INTS9: variants seen among roughly 807,000 people sequenced by gnomAD.
The protein encoded by INTS9 is integrator complex subunit 9.
INTS9 carries 55 observed loss-of-function variants against 79.7 expected under a neutral mutation model. The ratio of observed to expected loss-of-function variants is 0.69; its 90% CI spans 0.56 to 0.86. The LOEUF (loss-of-function observed/expected upper bound fraction) is 0.86, where lower values mean the gene tolerates loss of function less well. Ranked by LOEUF, INTS9 falls within the 40% of genes least tolerant of loss-of-function variation. The pLI, the probability that INTS9 is intolerant of heterozygous loss-of-function variation, is 0.00. For synonymous variants in INTS9, 319 were observed against 325.2 expected, an observed-to-expected ratio of 0.98 and a Z score of 0.20; for missense variants, 721 against 831.5, an observed-to-expected ratio of 0.87 and a Z score of 1.64.
In INTS9 at chr8:28,859,432, A is replaced by G. The variant is rs752563393; in HGVS notation, c.137+4T>C. The G allele has an allele frequency of 6.2e-7, 1 of 1,614,106 alleles. No individual in the cohort carries two copies. The highest frequency in any genetic ancestry group is 8.5e-7 in the Non-Finnish European group (1 of 1,179,958). On this transcript the variant is annotated splice_donor_region_variant and intron_variant, in intron 2 of 16. Coordinates refer to ENST00000521022, the MANE Select transcript of INTS9 (RefSeq NM_018250.4). ...ATTTTGTCTTTGGCTGCACCAGCAC[A>G]TACCTTTGAACAAGTGGCAAAGGAA...
chr8:28,839,783 A>C (rs543713345), intron 4 of INTS9, among the ~76,000 whole-genome samples: 1 of 152,000 alleles, frequency 6.6e-6, no homozygotes. Flanking sequence ...CTTATACAAA[A>C]ATTAATTCAA....
chr8:28,879,874 CCGAG>C (rs1809602219), intron 1 of INTS9, among the ~76,000 whole-genome samples: 1 of 152,102 alleles, frequency 6.6e-6, no homozygotes, highest in Non-Finnish European at 1.5e-5. Context: ...GGCAAATCTA[CCGAG>C]ACTCGTGGTT....
At position 28,800,640 on chromosome 8, in the gene INTS9, A is replaced by C. The variant is rs576449539; in HGVS notation, c.745-3985T>G. On this transcript the variant is annotated intron_variant, in intron 8 of 16. Transcript: ENST00000521022. ...AATTATAATGTCATGGCAGGTGAGG[A>C]GATGGAAGCAGCAGATCCACTTGAC... 8.5e-5 allele frequency among the ~76,000 whole-genome samples: 13 copies of C among 152,310 alleles called. No individual in the cohort carries two copies. In the South Asian group the frequency reaches 1.0e-3, roughly 12 times the overall value.
At chr8:28,808,497 G>A (rs752415073) in intron 8 of INTS9, among the ~76,000 whole-genome samples, 2 of 152,158 alleles carry the variant, frequency 1.3e-5, no homozygotes, top group South Asian at 2.1e-4. Context: ...TTTTTAAAAC[G>A]TGACAACTCT....
chr8:28,877,623 G>A (rs1010067677), intron 1 of INTS9, among the ~76,000 whole-genome samples: 2 of 152,156 alleles, frequency 1.3e-5, no homozygotes, highest in African/African-American at 4.8e-5. Flanking sequence ...AGTTGTAATT[G>A]CAAGAGACTG....
intron 8 of INTS9, among the ~76,000 whole-genome samples, chr8:28,797,805 A>G (rs1470919343): frequency 6.6e-6 from 1 of 152,200 alleles, no homozygotes; most frequent in Non-Finnish European, 1.5e-5. Context: ...CCAGCAACAC[A>G]GTTTACTAAG....
chr8:28,825,341 T>C (rs1249355311), intron 6 of INTS9, among the ~76,000 whole-genome samples: 1 of 152,200 alleles, frequency 6.6e-6, no homozygotes, highest in Non-Finnish European at 1.5e-5. Flanking sequence ...CATCTCTCCA[T>C]TCAGCTGAAT....
intron 11 of INTS9, among the ~76,000 whole-genome samples, chr8:28,786,141 G>A (rs577151849): frequency 1.3e-5 from 2 of 152,208 alleles, no homozygotes; most frequent in East Asian, 3.9e-4. Context: ...CTCACATTAT[G>A]TTTGTGCAGT....
chr8:28,888,820 G>C (rs780360353), intron 1 of INTS9, among the ~76,000 whole-genome samples: 1 of 152,128 alleles, frequency 6.6e-6, no homozygotes, highest in African/African-American at 2.4e-5. Flanking sequence ...ATATATGCCT[G>C]TAGCACAATG....
At chr8:28,775,718 T>G (rs974007241) in intron 14 of INTS9, 41 bp downstream of exon 14, 1 of 1,600,228 alleles carries the variant, frequency 6.2e-7, no homozygotes, top group African/African-American at 1.3e-5. Flanking sequence ...AGAGCCTCTG[T>G]GGAAAGCTCT....
At chr8:28,786,394 G>A (rs1158855250) in intron 11 of INTS9, among the ~76,000 whole-genome samples, 1 of 151,914 alleles carries the variant, frequency 6.6e-6, no homozygotes, top group East Asian at 1.9e-4. Flanking sequence ...AGCTTCAGGT[G>A]ATCCTCCCAC....
intron 6 of INTS9, among the ~76,000 whole-genome samples, chr8:28,822,926 T>A (rs1452347516): frequency 3.3e-5 from 5 of 151,504 alleles, no homozygotes; most frequent in African/African-American, 9.7e-5. Flanking sequence ...TGGCAGGGAG[T>A]TACTGGAGGA....
intron 14 of INTS9, 26 bp from the exon 15 acceptor site, chr8:28,771,106 C>T (rs191429673): frequency 1.3e-6 from 2 of 1,504,204 alleles, no homozygotes; most frequent in East Asian, 2.4e-5. Flanking sequence ...GCAGTTCAGG[C>T]TGGGGGCCTT....
chr8:28,876,166 A>G (rs1396096305), intron 1 of INTS9, among the ~76,000 whole-genome samples: 1 of 152,178 alleles, frequency 6.6e-6, no homozygotes, highest in East Asian at 1.9e-4. Context: ...AGTACAGAGA[A>G]ACTATTTCTG....
chr8:28,798,669 T>C (rs560916366), intron 8 of INTS9: 44 of 152,266 alleles, frequency 2.9e-4, no homozygotes, highest in African/African-American at 1.0e-3. Flanking sequence ...CGGCTAACTT[T>C]TGTATTTTTA....
At chr8:28,775,389 T>G (rs1802806115) in intron 14 of INTS9, among the ~76,000 whole-genome samples, 1 of 152,178 alleles carries the variant, frequency 6.6e-6, no homozygotes, top group African/African-American at 2.4e-5. Context: ...CAGGCTGGAG[T>G]GCAGTGGTGT....
chr8:28,781,320 T>C (rs894530694), intron 11 of INTS9, among the ~76,000 whole-genome samples: 2 of 152,032 alleles, frequency 1.3e-5, no homozygotes, highest in African/African-American at 2.4e-5. Flanking sequence ...AACTGCAAAT[T>C]AAAATGATGA....
rs182088893 is a variant in INTS9 at position 28,783,183 on chromosome 8, C to T, written c.1099-2189G>A. On this transcript the variant is annotated intron_variant, in intron 11 of 16. Transcript: ENST00000521022. Reference sequence around the variant, plus strand: ...AAAAAAAAAAAAGAAGCAGGTGCCCCGCAGCCTCAAAGCTTTCTTTCAAGT... The same window carrying T: ...AAAAAAAAAAAAGAAGCAGGTGCCCTGCAGCCTCAAAGCTTTCTTTCAAGT... Among the ~76,000 whole-genome samples, 406 of 151,196 alleles carry T rather than the reference C, an allele frequency of 2.7e-3. 4 individuals carry two copies. Among genetic ancestry groups the T allele is most frequent in the African/African-American group, 9.2e-3 (378 of 41,268 alleles).
At chr8:28,801,235 C>T (rs937887058) in intron 8 of INTS9, among the ~76,000 whole-genome samples, 1 of 152,158 alleles carries the variant, frequency 6.6e-6, no homozygotes, top group African/African-American at 2.4e-5. Context: ...CGCCTATAAT[C>T]CCAGAACTTT....
Sources: allele counts gnomAD v4.1 joint callset (sites outside exome capture counted in the v4.1 genomes callset), GRCh38; gene constraint gnomAD v4.1.1; transcripts MANE v1.5; gene names NCBI Gene and HGNC (gene_info 2026-07-23, HGNC 2026-07-21).